DDRGK1: variants seen among roughly 807,000 people sequenced by gnomAD.
DDRGK1 encodes DDRGK domain containing 1, also known as DDRGK domain-containing protein 1.
Under a neutral mutation model 45.8 loss-of-function variants are expected in DDRGK1, and 38 were observed. That is an observed-to-expected ratio of 0.83 (90% CI 0.64 to 1.09). The LOEUF is 1.09. Ranked by LOEUF, DDRGK1 falls within the 50% of genes least tolerant of loss-of-function variation. The probability of loss-of-function intolerance (pLI) is 0.00; values close to 1 mark genes in which losing one functional copy is unlikely to be tolerated. For synonymous variants in DDRGK1, 171 were observed against 168.7 expected (o/e 1.01, Z -0.11); for missense variants, 403 against 419.9 (o/e 0.96, Z 0.35).
At chr20:3,203,838 G>A (rs1164861678) in intron 1 of DDRGK1, among the ~76,000 whole-genome samples, 1 of 152,174 alleles carries the variant, frequency 6.6e-6, no homozygotes, top group Non-Finnish European at 1.5e-5. Context: ...CTGGATCTCC[G>A]CCTTCCCTCA....
At chr20:3,196,151 C>G (rs1311432590) in intron 4 of DDRGK1, among the ~76,000 whole-genome samples, 2 of 152,184 alleles carry the variant, frequency 1.3e-5, no homozygotes, top group African/African-American at 4.8e-5. Flanking sequence ...GGCCATCTCA[C>G]AGGCAGCAGA....
At chr20:3,194,735 C>A in intron 6 of DDRGK1, 95 bp downstream of exon 6, 2 of 1,527,562 alleles carry the variant, frequency 1.3e-6, no homozygotes, top group Non-Finnish European at 1.8e-6. Context: ...CCTGCATGAG[C>A]CTGAATGCCC....
rs1294606235 is a variant in DDRGK1 at position 3,204,663 on chromosome 20, C to G, written c.-36G>C. On this transcript the variant is annotated 5_prime_UTR_variant, in exon 1 of 9. Coordinates refer to ENST00000354488, the MANE Select transcript of DDRGK1 (RefSeq NM_023935.3). ...TCAGTGCAGAACCACTGCGTCCACC[C>G]TGAGGCCGGGATCTCATAGGCCCCG... 6.5e-7 allele frequency: 1 copy of G among 1,547,800 alleles called. No individual in the cohort carries two copies. The highest frequency in any genetic ancestry group is 8.7e-7 in the Non-Finnish European group (1 of 1,150,454).
Position 3,191,251 on chromosome 20 carries a change from C to A in DDRGK1, c.730-13G>T, listed in dbSNP as rs1382776768. On this transcript the variant is annotated splice_polypyrimidine_tract_variant and intron_variant, in intron 7 of 8. Transcript: ENST00000354488. The stretch of plus-strand genomic sequence containing the variant: ...GATTTATGGTGTCCTATGAGGAGAA[C>A]AACTCTCAGAATAGAGATAGGCACC... 6.2e-7 allele frequency: 1 copy of A among 1,614,026 alleles called. No individual in the cohort carries two copies. Among genetic ancestry groups the A allele is most frequent in the Non-Finnish European group, 8.5e-7 (1 of 1,180,000 alleles).
intron 6 of DDRGK1, among the ~76,000 whole-genome samples, 171 bp from the exon 7 acceptor site, chr20:3,191,992 C>CACACACAT (rs1414014563): frequency 6.6e-6 from 1 of 151,222 alleles, no homozygotes; most frequent in African/African-American, 2.4e-5. Flanking sequence ...CACACACACA[C>CACACACAT]ACACACACTC....
Position 3,203,431 on chromosome 20 carries a change from G to A in DDRGK1, c.92-15C>T. The A allele has an allele frequency of 6.5e-7, 1 of 1,537,900 alleles. No homozygotes were observed. Among genetic ancestry groups the A allele is most frequent in the Non-Finnish European group, 8.8e-7 (1 of 1,142,594 alleles). On this transcript the variant is annotated splice_polypyrimidine_tract_variant and intron_variant, in intron 1 of 8. Transcript: ENST00000354488. ...CTCTTGGCCGGCTGTAGGGAAGACA[G>A]AAATGACAATGCTGCCTATAAGCCC...
At chr20:3,204,389 C>A in intron 1 of DDRGK1, 148 bp downstream of exon 1, 1 of 772,376 alleles carries the variant, frequency 1.3e-6, no homozygotes, top group Middle Eastern at 3.1e-4. Context: ...CTGCGGAAGC[C>A]CCACCCGGCA....
rs2067004646 is a variant in DDRGK1 at position 3,195,165 on chromosome 20, C to G, written c.633+66G>C. 3 of 1,609,694 alleles carry G rather than the reference C, an allele frequency of 1.9e-6. No individual in the cohort carries two copies. The East Asian group carries it at 6.7e-5, about 36-fold the overall frequency. Reference sequence around the variant, plus strand: ...GGGGCGTCTGGGATGGGGTGGCTAGCCTTGCGTCTGGCACAGGCTGCACTG... The same window carrying G: ...GGGGCGTCTGGGATGGGGTGGCTAGGCTTGCGTCTGGCACAGGCTGCACTG... On this transcript the variant is annotated intron_variant, in intron 5 of 8. Coordinates refer to ENST00000354488, the MANE Select transcript of DDRGK1 (RefSeq NM_023935.3).
intron 3 of DDRGK1, 100 bp from the exon 4 acceptor site, chr20:3,200,202 G>T: frequency 6.7e-7 from 1 of 1,485,042 alleles, no homozygotes; most frequent in Non-Finnish European, 9.1e-7. Context: ...CCAGGGCACA[G>T]ACCCAGGCGG....
At chr20:3,202,758 C>T (rs731282) in intron 2 of DDRGK1, among the ~76,000 whole-genome samples, 12,733 of 152,212 alleles carry the variant, frequency 0.084, 1,445 homozygotes, top group African/African-American at 0.26. Flanking sequence ...ATCCTGAGGG[C>T]TCTCCTGGTC....
chr20:3,197,091 CGGGTG>C (rs1568500286), intron 4 of DDRGK1, among the ~76,000 whole-genome samples: 3 of 151,412 alleles, frequency 2.0e-5, no homozygotes, highest in African/African-American at 7.3e-5. Flanking sequence ...GGTGTGGTGG[CGGGTG>C]CCTGTAATCC....
chr20:3,196,477 A>T lies in DDRGK1; in HGVS notation c.511-1124T>A, dbSNP rs990845121. Among the ~76,000 whole-genome samples the T allele has an allele frequency of 3.3e-5, 5 of 151,066 alleles. No homozygotes were observed. The East Asian group carries it at 9.7e-4, about 29-fold the overall frequency. ...CGGATCACGAGGTCAGGAGATCGAG[A>T]CCATCCTGGCTAACACGGTGAAACC... On this transcript the variant is annotated intron_variant, in intron 4 of 8. Coordinates refer to ENST00000354488, the MANE Select transcript of DDRGK1 (RefSeq NM_023935.3).
chr20:3,199,092 T>C (rs536785989), intron 4 of DDRGK1, among the ~76,000 whole-genome samples: 2 of 150,326 alleles, frequency 1.3e-5, no homozygotes, highest in East Asian at 2.0e-4. Context: ...GAGGCAGAGG[T>C]TGCAGTGAGC....
intron 4 of DDRGK1, among the ~76,000 whole-genome samples, chr20:3,197,326 C>T (rs891051202): frequency 1.3e-5 from 2 of 151,300 alleles, no homozygotes; most frequent in Non-Finnish European, 2.9e-5. Flanking sequence ...TGTAAGAACT[C>T]TAACTCCCCA....
intron 6 of DDRGK1, among the ~76,000 whole-genome samples, chr20:3,192,083 A>C (rs935742232): frequency 2.0e-5 from 3 of 149,922 alleles, no homozygotes; most frequent in African/African-American, 5.0e-5. Context: ...TACCCAAAAC[A>C]ACCACCTGCC....
chr20:3,194,995 C>T, intron 5 of DDRGK1, 127 bp from the exon 6 acceptor site: 1 of 1,374,500 alleles, frequency 7.3e-7, no homozygotes, highest in Middle Eastern at 2.0e-4. Flanking sequence ...GCCCGCCCAA[C>T]CACCTGCACA....
chr20:3,195,501 TCCC>T, intron 4 of DDRGK1, 148 bp from the exon 5 acceptor site: 1 of 1,182,102 alleles, frequency 8.5e-7, no homozygotes, highest in Non-Finnish European at 1.1e-6. Flanking sequence ...ATTTCTCCAT[TCCC>T]CCAAGCTGAA....
rs184679003 is a variant in DDRGK1 at position 3,201,231 on chromosome 20, C to T, written c.296-777G>A. ...CCCAGGAGGCGGAACTTGCAGTGAG[C>T]GGAGATCGCGCCACTGCACTCCATC... On this transcript the variant is annotated intron_variant, in intron 2 of 8. Transcript: ENST00000354488. Among the ~76,000 whole-genome samples the T allele has an allele frequency of 3.5e-4, 50 of 143,974 alleles. No individual in the cohort carries two copies. The East Asian group carries it at 9.3e-3, about 27-fold the overall frequency. 94.5% of individuals were successfully genotyped at this position (143,974 alleles called of 152,430 possible).
chr20:3,204,484 CAGA>C, intron 1 of DDRGK1, 50 bp downstream of exon 1: 3 of 1,522,114 alleles, frequency 2.0e-6, no homozygotes, highest in Admixed American at 2.0e-5. Context: ...CACAAAGGCT[CAGA>C]AGGCCAGAAA....
Sources: allele counts gnomAD v4.1 joint callset (sites outside exome capture counted in the v4.1 genomes callset), GRCh38; gene constraint gnomAD v4.1.1; transcripts MANE v1.5; gene names NCBI Gene and HGNC (gene_info 2026-07-23, HGNC 2026-07-21).